OPCML: variants seen among roughly 807,000 people sequenced by gnomAD.
OPCML encodes opioid binding protein/cell adhesion molecule like, also known as opioid-binding protein/cell adhesion molecule.
In OPCML, 13 loss-of-function variants were observed where a neutral mutation model predicts 37.8. That is an observed-to-expected ratio of 0.34 (90% CI 0.22 to 0.55). The LOEUF (loss-of-function observed/expected upper bound fraction) is 0.55, where lower values mean the gene tolerates loss of function less well. Ranked by LOEUF, OPCML falls within the 20% of genes least tolerant of loss-of-function variation. The pLI, the probability that OPCML is intolerant of heterozygous loss-of-function variation, is 0.91. For synonymous variants in OPCML, 176 were observed against 168.8 expected, an observed-to-expected ratio of 1.04 and a Z score of -0.33; for missense variants, 341 against 435.6, an observed-to-expected ratio of 0.78 and a Z score of 1.93.
At chr11:133,315,846 A>G (rs1418159963) in intron 1 of OPCML, among the ~76,000 whole-genome samples, 1 of 152,146 alleles carries the variant, frequency 6.6e-6, no homozygotes, top group Non-Finnish European at 1.5e-5. Flanking sequence ...TCTATATTAT[A>G]TATAGCCACA....
chr11:133,116,144 T>C (rs1269374739), intron 1 of OPCML, among the ~76,000 whole-genome samples: 1 of 152,134 alleles, frequency 6.6e-6, no homozygotes, highest in Admixed American at 6.6e-5. Context: ...AATTTTTGTA[T>C]TTTTAGTAGA....
chr11:132,425,815 G>C (rs1174481021), intron 7 of OPCML, among the ~76,000 whole-genome samples: 10 of 152,180 alleles, frequency 6.6e-5, no homozygotes, highest in Non-Finnish European at 2.9e-5. Context: ...CCTAATGAAT[G>C]GCAGCTATTC....
At chr11:132,504,570 A>G (rs56223063) in intron 4 of OPCML, among the ~76,000 whole-genome samples, 28,623 of 151,932 alleles carry the variant, frequency 0.19, 2,801 homozygotes, top group Non-Finnish European at 0.2. Context: ...TGGAAGTGGA[A>G]GATGCACTTC....
intron 2 of OPCML, among the ~76,000 whole-genome samples, chr11:132,891,568 A>T (rs1296051648): frequency 6.6e-6 from 1 of 152,214 alleles, no homozygotes; most frequent in East Asian, 1.9e-4. Context: ...ATTCCAGTTT[A>T]TATAAACCAG....
At chr11:132,758,579 A>G (rs779203523) in intron 2 of OPCML, among the ~76,000 whole-genome samples, 9 of 151,982 alleles carry the variant, frequency 5.9e-5, no homozygotes, top group Non-Finnish European at 1.0e-4. Context: ...ATGGGAGTTC[A>G]CTCGTGATTT....
intron 1 of OPCML, among the ~76,000 whole-genome samples, chr11:133,204,045 C>T (rs575720295): frequency 2.0e-5 from 2 of 99,818 alleles, no homozygotes; most frequent in Non-Finnish European, 1.8e-5. Context: ...GGGGACAGAG[C>T]GAGACTCTGT....
At chr11:132,917,092 G>A (rs1036203708) in intron 2 of OPCML, among the ~76,000 whole-genome samples, 1 of 152,112 alleles carries the variant, frequency 6.6e-6, no homozygotes, top group Non-Finnish European at 1.5e-5. Context: ...CATCATCTGT[G>A]GCTAGCAAGG....
In OPCML at chr11:132,456,890, T is replaced by C. The variant is rs1162904365; in HGVS notation, c.506-19531A>G. 3.9e-5 allele frequency among the ~76,000 whole-genome samples: 6 copies of C among 152,364 alleles called. 1 individual carries two copies. The highest frequency in any genetic ancestry group is 3.3e-4 in the Admixed American group (5 of 15,302). The stretch of plus-strand genomic sequence containing the variant: ...CTTATTAATCATGCTCATTAATCTG[T>C]CAATGCCTGCATTAGGCAGAAGGAA... On this transcript the variant is annotated intron_variant, in intron 4 of 7. Coordinates refer to ENST00000524381, the MANE Select transcript of OPCML (RefSeq NM_001012393.5).
At chr11:132,481,063 A>T (rs1007884101) in intron 4 of OPCML, among the ~76,000 whole-genome samples, 1 of 152,162 alleles carries the variant, frequency 6.6e-6, no homozygotes, top group African/African-American at 2.4e-5. Flanking sequence ...TAAATGTTAC[A>T]TTTAAACAAT....
At chr11:132,977,466 T>C (rs891561879) in intron 1 of OPCML, among the ~76,000 whole-genome samples, 5 of 152,352 alleles carry the variant, frequency 3.3e-5, no homozygotes, top group Admixed American at 1.3e-4. Context: ...TATCTACTCA[T>C]ATCGCAGTCA....
chr11:132,933,932 T>A (rs1945290116), intron 2 of OPCML, among the ~76,000 whole-genome samples: 1 of 152,106 alleles, frequency 6.6e-6, no homozygotes, highest in Non-Finnish European at 1.5e-5. Flanking sequence ...CTCATTCAAT[T>A]CCCTGGGTGT....
intron 2 of OPCML, among the ~76,000 whole-genome samples, chr11:132,815,930 G>C (rs1939609132): frequency 6.6e-6 from 1 of 152,208 alleles, no homozygotes. Flanking sequence ...TAAGATGGGT[G>C]CTAGATGCAG....
chr11:132,563,150 G>A (rs568107433), intron 3 of OPCML, among the ~76,000 whole-genome samples: 5 of 152,136 alleles, frequency 3.3e-5, no homozygotes, highest in South Asian at 4.2e-4. Flanking sequence ...TTAAGCCATC[G>A]TTAACACCCC....
rs529254149 is a variant in OPCML at position 132,542,176 on chromosome 11, C to T, written c.380-12990G>A. On this transcript the variant is annotated intron_variant, in intron 3 of 7. Transcript: ENST00000524381. ...GTCCCTGATGCCTCCAGTCTTCCGC[C>T]TCAGTCCTGTCACATTTTAAGCCAC... 5.2e-4 allele frequency among the ~76,000 whole-genome samples: 79 copies of T among 152,234 alleles called. 2 individuals carry two copies. In the South Asian group the frequency reaches 0.016, roughly 31 times the overall value.
At chr11:132,849,941 T>C (rs1295619659) in intron 2 of OPCML, among the ~76,000 whole-genome samples, 1 of 152,222 alleles carries the variant, frequency 6.6e-6, no homozygotes, top group Non-Finnish European at 1.5e-5. Context: ...CTGTGTCCAC[T>C]CGAGCAGATG....
intron 4 of OPCML, among the ~76,000 whole-genome samples, chr11:132,460,504 T>C (rs1467064523): frequency 6.6e-6 from 1 of 152,112 alleles, no homozygotes; most frequent in Non-Finnish European, 1.5e-5. Flanking sequence ...AAGTAGAAAC[T>C]TAAAGGGACT....
chr11:133,467,308 G>T lies in OPCML; in HGVS notation c.61+64956C>A, dbSNP rs1013505335. Reference sequence around the variant, plus strand: ...TCGATATGGATGGAAGTTGTCATGGGGTTCCTAGGCACCCTTAGAGCTGTC... The same window carrying T: ...TCGATATGGATGGAAGTTGTCATGGTGTTCCTAGGCACCCTTAGAGCTGTC... On this transcript the variant is annotated intron_variant, in intron 1 of 7. Coordinates refer to ENST00000524381, the MANE Select transcript of OPCML (RefSeq NM_001012393.5). Among the ~76,000 whole-genome samples, 6 of 152,082 alleles carry T rather than the reference G, an allele frequency of 3.9e-5. No individual in the cohort carries two copies. In the South Asian group the frequency reaches 6.2e-4, roughly 16 times the overall value.
intron 3 of OPCML, among the ~76,000 whole-genome samples, chr11:132,613,558 C>A (rs11223146): frequency 6.6e-6 from 1 of 151,958 alleles, no homozygotes; most frequent in African/African-American, 2.4e-5. Flanking sequence ...CAAAGAAAAC[C>A]GAGGAAATAG....
intron 1 of OPCML, among the ~76,000 whole-genome samples, chr11:133,168,412 T>C (rs1565483246): frequency 6.6e-6 from 1 of 152,116 alleles, no homozygotes; most frequent in African/African-American, 2.4e-5. Context: ...TCTGACTAGA[T>C]GGTCAGAAAG....
Sources: allele counts gnomAD v4.1 joint callset (sites outside exome capture counted in the v4.1 genomes callset), GRCh38; gene constraint gnomAD v4.1.1; transcripts MANE v1.5; gene names NCBI Gene and HGNC (gene_info 2026-07-23, HGNC 2026-07-21).